VTA1: variants seen among roughly 807,000 people sequenced by gnomAD.
VTA1 encodes vesicle trafficking 1.
In VTA1, 24 loss-of-function variants were observed where a neutral mutation model predicts 36.9. The observed-to-expected ratio is 0.65, with a 90% CI of 0.47 to 0.91. The LOEUF (loss-of-function observed/expected upper bound fraction) is 0.91, where lower values mean the gene tolerates loss of function less well. VTA1 is among the 40% of genes least tolerant of loss of function. The pLI, the probability that VTA1 is intolerant of heterozygous loss-of-function variation, is 0.00. For missense variants in VTA1, 393 were observed against 377.2 expected (o/e 1.04, Z -0.35); for synonymous variants, 142 against 130.2 (o/e 1.09, Z -0.62).
At chr6:142,206,651 GAGA>G (rs1349132203) in intron 7 of VTA1, among the ~76,000 whole-genome samples, 7 of 152,080 alleles carry the variant, frequency 4.6e-5, no homozygotes, top group African/African-American at 1.7e-4. Context: ...AGTACTGAAG[GAGA>G]AGAACAAAGT....
At chr6:142,165,505 A>T (rs1359291649) in intron 1 of VTA1, among the ~76,000 whole-genome samples, 1 of 152,196 alleles carries the variant, frequency 6.6e-6, no homozygotes, top group Non-Finnish European at 1.5e-5. Flanking sequence ...TTTGAGAGCT[A>T]CCTAAATGTG....
In VTA1 at chr6:142,187,550, G is replaced by C. The variant is rs181697732; in HGVS notation, c.412-1876G>C. 1.2e-3 allele frequency among the ~76,000 whole-genome samples: 189 copies of C among 152,272 alleles called. 1 individual carries two copies. The highest frequency in any genetic ancestry group is 4.4e-3 in the African/African-American group (182 of 41,562). ...GTTACTGGAGAATATGAACTATACAGAAAAGAAATATACCCTCCCCACCCC... is the reference window on the plus strand; with the variant it reads ...GTTACTGGAGAATATGAACTATACACAAAAGAAATATACCCTCCCCACCCC... On this transcript the variant is annotated intron_variant, in intron 4 of 7. Coordinates refer to ENST00000367630, the MANE Select transcript of VTA1 (RefSeq NM_016485.5).
chr6:142,180,910 A>C (rs1252429558), intron 4 of VTA1, among the ~76,000 whole-genome samples: 2 of 151,498 alleles, frequency 1.3e-5, no homozygotes, highest in African/African-American at 2.4e-5. Flanking sequence ...CCTGGGGGGA[A>C]AATAACTACA....
At chr6:142,202,069 G>A (rs1351819791) in intron 6 of VTA1, among the ~76,000 whole-genome samples, 2 of 151,944 alleles carry the variant, frequency 1.3e-5, no homozygotes, top group East Asian at 1.9e-4. Flanking sequence ...AATGATATAT[G>A]TAATCTACAT....
At chr6:142,186,653 G>A (rs189438046) in intron 4 of VTA1, among the ~76,000 whole-genome samples, 72 of 152,280 alleles carry the variant, frequency 4.7e-4, no homozygotes, top group African/African-American at 1.7e-3. Context: ...GAAAGGAGAG[G>A]TGGTAGGGGG....
intron 6 of VTA1, among the ~76,000 whole-genome samples, chr6:142,203,531 A>T (rs979661110): frequency 6.6e-6 from 1 of 152,098 alleles, no homozygotes; most frequent in East Asian, 1.9e-4. Flanking sequence ...TGTTTATTGG[A>T]TAATTGTTTA....
chr6:142,191,659 TA>T (rs1775458185), intron 5 of VTA1, among the ~76,000 whole-genome samples: 1 of 152,052 alleles, frequency 6.6e-6, no homozygotes, highest in Non-Finnish European at 1.5e-5. Flanking sequence ...CTCTACAATA[TA>T]AAGGAGAATA....
chr6:142,159,584 G>T (rs991960677), intron 1 of VTA1, among the ~76,000 whole-genome samples: 1 of 150,052 alleles, frequency 6.7e-6, no homozygotes, highest in African/African-American at 2.4e-5. Context: ...TGCAATCTCA[G>T]CTCACTGCAA....
At chr6:142,199,830 A>G (rs1038755557) in intron 6 of VTA1, among the ~76,000 whole-genome samples, 1 of 152,148 alleles carries the variant, frequency 6.6e-6, no homozygotes, top group African/African-American at 2.4e-5. Flanking sequence ...ATGTGATGAT[A>G]TTAATAGACA....
chr6:142,196,530 C>T (rs1775555267), intron 5 of VTA1, among the ~76,000 whole-genome samples: 1 of 152,030 alleles, frequency 6.6e-6, no homozygotes, highest in South Asian at 2.1e-4. Flanking sequence ...TAGATTTAAA[C>T]CTATTTTGCC....
At chr6:142,185,915 G>GTGCT (rs771715923) in intron 4 of VTA1, among the ~76,000 whole-genome samples, 13 of 152,178 alleles carry the variant, frequency 8.5e-5, no homozygotes, top group African/African-American at 2.4e-4. Context: ...ACAAAGCCAA[G>GTGCT]TGCTTGGTAT....
intron 5 of VTA1, among the ~76,000 whole-genome samples, chr6:142,195,170 A>T (rs956433804): frequency 6.6e-6 from 1 of 151,986 alleles, no homozygotes; most frequent in African/African-American, 2.4e-5. Context: ...ATTTTTTCTT[A>T]CTTGAATGTT....
intron 2 of VTA1, among the ~76,000 whole-genome samples, chr6:142,167,324 G>T (rs1277556201): frequency 2.6e-5 from 4 of 152,072 alleles, no homozygotes; most frequent in African/African-American, 7.2e-5. Context: ...GCCATACCTG[G>T]TTTCTCTTTT....
chr6:142,222,055 A>T lies in VTA1; in HGVS notation c.*3412A>T, dbSNP rs1776121808. 3 of 151,514 alleles carry T rather than the reference A, an allele frequency of 2.0e-5. No individual in the cohort carries two copies. The highest frequency in any genetic ancestry group is 7.3e-5 in the African/African-American group (3 of 41,270). The allele number at this position is 151,514 out of a possible 1,614,324, so 9.4% of individuals were successfully genotyped here. On this transcript the variant is annotated 3_prime_UTR_variant, in exon 8 of 8. Transcript: ENST00000367630. ...GTAGCCTTGGAGGTAATAAAACGGG[A>T]TTGGTTTCTGGCGGCTTTTTTTTAG...
chr6:142,169,720 A>G, intron 3 of VTA1, 43 bp downstream of exon 3: 2 of 1,469,556 alleles, frequency 1.4e-6, no homozygotes, highest in Non-Finnish European at 1.8e-6. Flanking sequence ...TAATTTTGTA[A>G]CTGTATAACC....
chr6:142,204,358 C>T (rs1366653731), intron 7 of VTA1, among the ~76,000 whole-genome samples: 5 of 152,040 alleles, frequency 3.3e-5, no homozygotes, highest in African/African-American at 1.2e-4. Flanking sequence ...ACCATGGAAG[C>T]CTATGCTAGA....
chr6:142,149,428 A>T (rs1778522620), intron 1 of VTA1, among the ~76,000 whole-genome samples: 1 of 152,174 alleles, frequency 6.6e-6, no homozygotes, highest in South Asian at 2.1e-4. Context: ...AATTTTTGAC[A>T]ATCTGGTGGG....
chr6:142,222,046 T>TA lies in VTA1; in HGVS notation c.*3407dup, dbSNP rs932376532. ...AGTCCAGGAGTAGCCTTGGAGGTAA[T>TA]AAAACGGGATTGGTTTCTGGCGGCT... On this transcript the variant is annotated 3_prime_UTR_variant, in exon 8 of 8. Transcript: ENST00000367630. The TA allele has an allele frequency of 5.3e-5, 8 of 151,784 alleles. No individual in the cohort carries two copies. The highest frequency in any genetic ancestry group is 1.2e-4 in the Non-Finnish European group (8 of 67,976). The allele number at this position is 151,784 out of a possible 1,614,324, so 9.4% of individuals were successfully genotyped here.
At chr6:142,208,085 C>CAAAAAAAAAAAA (rs567010868) in intron 7 of VTA1, among the ~76,000 whole-genome samples, 1 of 99,526 alleles carries the variant, frequency 1.0e-5, no homozygotes, top group Non-Finnish European at 1.9e-5. Flanking sequence ...AGACTTCCAT[C>CAAAAAAAAAAAA]AAAAAAAAAA....
Sources: allele counts gnomAD v4.1 joint callset (sites outside exome capture counted in the v4.1 genomes callset), GRCh38; gene constraint gnomAD v4.1.1; transcripts MANE v1.5; gene names NCBI Gene and HGNC (gene_info 2026-07-23, HGNC 2026-07-21).